The following SRGAP3 variants were observed in gnomAD, a reference collection of about 807,000 sequenced individuals.
The protein encoded by SRGAP3 is SLIT-ROBO Rho GTPase-activating protein 3.
Under a neutral mutation model 121.1 loss-of-function variants are expected in SRGAP3, and 39 were observed. That is an observed-to-expected ratio of 0.32 (90% CI 0.25 to 0.42). The LOEUF is 0.42. Ranked by LOEUF, SRGAP3 falls within the 10% of genes least tolerant of loss-of-function variation. The pLI is 1.00. For missense variants in SRGAP3, 1,213 were observed against 1,470.6 expected (o/e 0.82, Z 2.86); for synonymous variants, 601 against 570.0 (o/e 1.05, Z -0.77).
chr3:9,226,173 A>G (rs1273330990), intron 1 of SRGAP3, among the ~76,000 whole-genome samples: 2 of 152,236 alleles, frequency 1.3e-5, no homozygotes, highest in African/African-American at 4.8e-5. Flanking sequence ...GGTGGGGTAG[A>G]GGCAGTGATA....
chr3:9,282,467 G>A (rs1954696383), intron 3 of SRGAP3, among the ~76,000 whole-genome samples: 1 of 151,368 alleles, frequency 6.6e-6, no homozygotes, highest in Admixed American at 6.6e-5. Context: ...CATTCAAGCT[G>A]TTATGATATA....
intron 1 of SRGAP3, among the ~76,000 whole-genome samples, chr3:9,234,173 G>C (rs1953321881): frequency 6.6e-6 from 1 of 152,162 alleles, no homozygotes; most frequent in South Asian, 2.1e-4. Context: ...AAATGATCAA[G>C]GGTCCAGAAG....
chr3:9,348,548 A>G, intron 1 of SRGAP3: 1 of 772,416 alleles, frequency 1.3e-6, no homozygotes, highest in Non-Finnish European at 2.3e-6. Flanking sequence ...AGCGGGCCAT[A>G]AGGAGGCGAA....
chr3:9,148,547 T>A (rs1342260594), intron 1 of SRGAP3, among the ~76,000 whole-genome samples: 3 of 152,220 alleles, frequency 2.0e-5, no homozygotes, highest in Admixed American at 2.0e-4. Flanking sequence ...GGTACCCCCA[T>A]TTCCAATAAT....
At chr3:9,265,186 A>G (rs532295092) in intron 3 of SRGAP3, among the ~76,000 whole-genome samples, 1 of 152,320 alleles carries the variant, frequency 6.6e-6, no homozygotes, top group African/African-American at 2.4e-5. Context: ...GAAAACGGAA[A>G]CTGGACCCCT....
In SRGAP3 at chr3:9,104,661, G is replaced by A; in HGVS notation, c.423+19C>T. 6.2e-7 allele frequency: 1 copy of A among 1,613,854 alleles called. No individual in the cohort carries two copies. Among genetic ancestry groups the A allele is most frequent in the Non-Finnish European group, 8.5e-7 (1 of 1,179,850 alleles). Reference sequence around the variant, plus strand: ...TTGGGGCAAAGACCTGGGACACGTAGAGCAGCCCACTTGCCTACCTTTTTG... The same window carrying A: ...TTGGGGCAAAGACCTGGGACACGTAAAGCAGCCCACTTGCCTACCTTTTTG... On this transcript the variant is annotated intron_variant, in intron 3 of 21. Coordinates refer to ENST00000383836, the MANE Select transcript of SRGAP3 (RefSeq NM_014850.4).
chr3:9,232,101 T>A (rs1244632507), intron 1 of SRGAP3, among the ~76,000 whole-genome samples: 1 of 152,244 alleles, frequency 6.6e-6, no homozygotes, highest in Non-Finnish European at 1.5e-5. Context: ...CGTGGGGGAA[T>A]AATTCGGTAA....
chr3:9,082,136 C>T (rs1947277684), intron 3 of SRGAP3, among the ~76,000 whole-genome samples: 1 of 152,174 alleles, frequency 6.6e-6, no homozygotes, highest in East Asian at 1.9e-4. Context: ...GCGCCTCTCA[C>T]TCTCTCTCTG....
At position 9,010,307 on chromosome 3, in the gene SRGAP3, CCTT is replaced by C; in HGVS notation, c.2225_2227del (p.Glu743del). The C allele has an allele frequency of 6.2e-7, 1 of 1,614,166 alleles. No individual in the cohort carries two copies. Among genetic ancestry groups the C allele is most frequent in the South Asian group, 1.1e-5 (1 of 91,082 alleles). On this transcript the variant is annotated inframe_deletion and splice_region_variant, in exon 18 of 22. Transcript: ENST00000383836. The stretch of plus-strand genomic sequence containing the variant: ...TTGTCCCCAGGATCCCCCTCACTCA[CCTT>C]CATCGCTGGTATGAGGCTCAGTGCC...
chr3:9,248,963 G>A lies in SRGAP3; in HGVS notation c.-12C>T, dbSNP rs760895415. On this transcript the variant is annotated 5_prime_UTR_variant, in exon 1 of 22. Transcript: ENST00000383836. ...GTTTGAGATGACATCTTCTGACGTG[G>A]CCAAAGGAACTGACAGGCTGTTTGA... 1 of 1,613,746 alleles carries A rather than the reference G, an allele frequency of 6.2e-7. No individual in the cohort carries two copies. Among genetic ancestry groups the A allele is most frequent in the Admixed American group, 1.7e-5 (1 of 60,004 alleles).
At chr3:9,262,772 G>A (rs1373598516) in intron 3 of SRGAP3, among the ~76,000 whole-genome samples, 3 of 151,962 alleles carry the variant, frequency 2.0e-5, no homozygotes, top group Non-Finnish European at 4.4e-5. Context: ...AATAATAGTG[G>A]GAGACTTTAA....
chr3:9,352,789 A>G (rs1221636123), intron 1 of SRGAP3, among the ~76,000 whole-genome samples: 1 of 152,162 alleles, frequency 6.6e-6, no homozygotes, highest in Non-Finnish European at 1.5e-5. Context: ...GTTAGCCTCA[A>G]TTTCATCACC....
intron 1 of SRGAP3, among the ~76,000 whole-genome samples, chr3:9,173,921 C>A (rs147024981): frequency 9.9e-5 from 15 of 152,252 alleles, no homozygotes; most frequent in Admixed American, 7.8e-4. Context: ...ATGCCAGGCA[C>A]GTGATCATGC....
At chr3:9,007,943 G>A (rs182226837) in intron 18 of SRGAP3, 2 of 152,326 alleles carry the variant, frequency 1.3e-5, no homozygotes, top group African/African-American at 4.8e-5. Flanking sequence ...CCACCAAAGA[G>A]TGCCCCTGAT....
intron 2 of SRGAP3, among the ~76,000 whole-genome samples, chr3:9,110,305 G>A (rs1297593613): frequency 6.6e-6 from 1 of 152,180 alleles, no homozygotes; most frequent in African/African-American, 2.4e-5. Flanking sequence ...GGGGCGGGGA[G>A]GGAGGATGAT....
intron 3 of SRGAP3, among the ~76,000 whole-genome samples, chr3:9,088,126 C>T (rs1424934285): frequency 6.6e-6 from 1 of 152,180 alleles, no homozygotes; most frequent in South Asian, 2.1e-4. Context: ...TGATCTCCAG[C>T]GACACCATAC....
At chr3:9,280,893 G>A (rs969927897) in intron 3 of SRGAP3, among the ~76,000 whole-genome samples, 3 of 151,978 alleles carry the variant, frequency 2.0e-5, no homozygotes, top group South Asian at 2.1e-4. Context: ...GACTAACACC[G>A]ATTATTTCCA....
At chr3:9,309,785 G>A (rs1038734913) in intron 3 of SRGAP3, among the ~76,000 whole-genome samples, 1 of 152,134 alleles carries the variant, frequency 6.6e-6, no homozygotes, top group Non-Finnish European at 1.5e-5. Flanking sequence ...CTTGAACATG[G>A]GAGGTCGAGG....
intron 1 of SRGAP3, among the ~76,000 whole-genome samples, chr3:9,236,484 C>A (rs1305750640): frequency 1.3e-5 from 2 of 152,068 alleles, no homozygotes; most frequent in Non-Finnish European, 2.9e-5. Flanking sequence ...GGGGATGGAT[C>A]CTTCATGAAT....
Sources: gnomAD v4.1 joint callset for allele counts (sites outside exome capture counted in the v4.1 genomes callset) on GRCh38, gnomAD v4.1.1 for gene constraint, MANE v1.5 for transcripts, NCBI Gene and HGNC (gene_info 2026-07-23, HGNC 2026-07-21) for gene names.